Variants in ARHGEF38 observed in about 807,000 individuals in gnomAD.
The protein encoded by ARHGEF38 is Rho guanine nucleotide exchange factor (GEF) 38.
In ARHGEF38, 79 loss-of-function variants were observed where a neutral mutation model predicts 79.9. The observed-to-expected ratio is 0.99, with a 90% confidence interval of 0.82 to 1.19. The LOEUF is 1.19. Ranked by LOEUF, ARHGEF38 falls within the 50% of genes most tolerant of loss-of-function variation. ARHGEF38 has a pLI of 0.00. For missense variants in ARHGEF38, 962 were observed against 907.2 expected, an observed-to-expected ratio of 1.06 and a Z score of -0.78; for synonymous variants, 366 against 328.3, an observed-to-expected ratio of 1.11 and a Z score of -1.24.
At chr4:105,561,484 A>AGAATGGAATGGAATGGAATG (rs1560684665) in intron 1 of ARHGEF38, 2 of 59,920 alleles carry the variant, frequency 3.3e-5, no homozygotes, top group African/African-American at 1.2e-4. Flanking sequence ...AGAATAGAAT[A>AGAATGGAATGGAATGGAATG]GAATAGAATA....
At chr4:105,656,796 A>T (rs1445421238) in intron 9 of ARHGEF38, among the ~76,000 whole-genome samples, 1 of 152,098 alleles carries the variant, frequency 6.6e-6, no homozygotes, top group East Asian at 1.9e-4. Context: ...CCTCACATCA[A>T]GACGTTGTGA....
In ARHGEF38 at chr4:105,597,433, T is replaced by G. The variant is rs964059041; in HGVS notation, c.384+7998T>G. On this transcript the variant is annotated intron_variant, in intron 2 of 13. Coordinates refer to ENST00000420470, the MANE Select transcript of ARHGEF38 (RefSeq NM_001242729.2). ...TCCAGGAAGAATGGTCTTTCATTTT[T>G]GCTTAATAGGCAACCATGGAATTCT... Among the ~76,000 whole-genome samples the G allele has an allele frequency of 3.9e-5, 6 of 152,228 alleles. No individual in the cohort carries two copies. In the East Asian group the frequency reaches 1.2e-3, roughly 29 times the overall value.
chr4:105,624,161 C>T (rs890348109), intron 3 of ARHGEF38, among the ~76,000 whole-genome samples: 1 of 152,128 alleles, frequency 6.6e-6, no homozygotes, highest in Non-Finnish European at 1.5e-5. Flanking sequence ...CACCAGGGAC[C>T]TCAGAATTGT....
chr4:105,610,319 A>AT (rs1331730379), intron 2 of ARHGEF38, among the ~76,000 whole-genome samples: 2 of 151,974 alleles, frequency 1.3e-5, no homozygotes, highest in East Asian at 1.9e-4. Context: ...CATGTATCCC[A>AT]TTTTTTTCAG....
At position 105,592,432 on chromosome 4, in the gene ARHGEF38, T is replaced by G. The variant is rs78954340; in HGVS notation, c.384+2997T>G. Among the ~76,000 whole-genome samples, 740 of 152,154 alleles carry G rather than the reference T, an allele frequency of 4.9e-3. 27 individuals are homozygous for G. The East Asian group carries it at 0.11, about 23-fold the overall frequency. On this transcript the variant is annotated intron_variant, in intron 2 of 13. Coordinates refer to ENST00000420470, the MANE Select transcript of ARHGEF38 (RefSeq NM_001242729.2). Reference sequence around the variant, plus strand: ...ACAACCTTCTGATGGCACCGAGACCTCCAAACTATGGACATTACTACCATT... The same window carrying G: ...ACAACCTTCTGATGGCACCGAGACCGCCAAACTATGGACATTACTACCATT...
intron 10 of ARHGEF38, among the ~76,000 whole-genome samples, chr4:105,665,973 TA>T (rs200824653): frequency 8.6e-5 from 13 of 151,732 alleles, no homozygotes; most frequent in South Asian, 6.3e-4. Context: ...GCTTGAAACT[TA>T]AAAAAAAATT....
intron 10 of ARHGEF38, among the ~76,000 whole-genome samples, chr4:105,665,046 A>G (rs117498039): frequency 1.4e-3 from 217 of 152,044 alleles, no homozygotes; most frequent in East Asian, 6.6e-3. Flanking sequence ...CCCAGGCTGG[A>G]GTGTCATGGT....
intron 5 of ARHGEF38, 92 bp from the exon 6 acceptor site, chr4:105,645,096 T>C (rs1170856274): frequency 2.1e-6 from 2 of 950,718 alleles, no homozygotes; most frequent in African/African-American, 3.4e-5. Flanking sequence ...AAAGAGAAAA[T>C]GTTTTAGAAG....
intron 3 of ARHGEF38, among the ~76,000 whole-genome samples, chr4:105,618,547 G>A (rs942236331): frequency 2.6e-5 from 4 of 152,222 alleles, no homozygotes; most frequent in Non-Finnish European, 4.4e-5. Flanking sequence ...CTTGAACCCA[G>A]GAGGTAGAAG....
At chr4:105,621,402 C>T (rs1001803093) in intron 3 of ARHGEF38, among the ~76,000 whole-genome samples, 1 of 152,170 alleles carries the variant, frequency 6.6e-6, no homozygotes, top group Non-Finnish European at 1.5e-5. Flanking sequence ...ACTGGCTTAC[C>T]TCATGCATAG....
chr4:105,625,964 AGT>A (rs1488368407), intron 3 of ARHGEF38, among the ~76,000 whole-genome samples: 1 of 152,050 alleles, frequency 6.6e-6, no homozygotes, highest in African/African-American at 2.4e-5. Flanking sequence ...CCTCAATGTT[AGT>A]GTTTGCCACC....
intron 1 of ARHGEF38, among the ~76,000 whole-genome samples, chr4:105,588,377 A>G (rs1578283267): frequency 6.6e-6 from 1 of 152,272 alleles, no homozygotes; most frequent in East Asian, 1.9e-4. Flanking sequence ...AAGCAAATCC[A>G]TTTACACACA....
At chr4:105,625,793 A>G (rs757870788) in intron 3 of ARHGEF38, among the ~76,000 whole-genome samples, 7 of 152,164 alleles carry the variant, frequency 4.6e-5, no homozygotes, top group African/African-American at 7.2e-5. Context: ...GCAGATTATG[A>G]CCATGGGGAG....
intron 1 of ARHGEF38, among the ~76,000 whole-genome samples, chr4:105,578,180 C>G (rs1429824478): frequency 1.3e-5 from 2 of 152,148 alleles, no homozygotes; most frequent in Non-Finnish European, 2.9e-5. Context: ...TCATCAGTAA[C>G]CTCAAAATCA....
chr4:105,564,911 A>G (rs891693866), intron 1 of ARHGEF38, among the ~76,000 whole-genome samples: 6 of 152,174 alleles, frequency 3.9e-5, no homozygotes, highest in Non-Finnish European at 8.8e-5. Flanking sequence ...ACTTGGTTTT[A>G]TACATTTTAA....
At chr4:105,640,471 T>C (rs1446712660) in intron 5 of ARHGEF38, among the ~76,000 whole-genome samples, 2 of 152,148 alleles carry the variant, frequency 1.3e-5, no homozygotes, top group African/African-American at 4.8e-5. Context: ...GCATTATGTA[T>C]GCTATCAATT....
At position 105,657,318 on chromosome 4, in the gene ARHGEF38, A is replaced by G. The variant is rs542264817; in HGVS notation, c.1233+1596A>G. Among the ~76,000 whole-genome samples, 27 of 152,338 alleles carry G rather than the reference A, an allele frequency of 1.8e-4. No homozygotes were observed. The South Asian group carries it at 5.2e-3, about 29-fold the overall frequency. On this transcript the variant is annotated intron_variant, in intron 9 of 13. Transcript: ENST00000420470. ...GCCAGAAGTGTCCTGCATACCTTGC[A>G]TAAAACCACAAGATGATTAATTAGG...
rs1730223158 is a variant in ARHGEF38 at position 105,654,092 on chromosome 4, G to A, written c.1036G>A (p.Glu346Lys). 1 of 1,513,602 alleles carries A rather than the reference G, an allele frequency of 6.6e-7. No individual in the cohort carries two copies. The highest frequency in any genetic ancestry group is 2.0e-5 in the Admixed American group (1 of 50,482). The allele number at this position is 1,513,602 out of a possible 1,614,324, so 93.8% of individuals were successfully genotyped here. The stretch of plus-strand genomic sequence containing the variant: ...TAAAGACAATACCTTTAACAGAGAA[G>A]AAAAGCTGTTTAGAGCTTTAGAAAA... ...QVKDNTFNRE[E>K]KLFRALEKTV... Residue 346 changes from glutamate (E) to lysine (K), a missense_variant, in exon 8 of 14, where the codon GAA becomes AAA. Glu to Lys is a moderately conservative substitution (Grantham distance 56). Coordinates refer to ENST00000420470, the MANE Select transcript of ARHGEF38 (RefSeq NM_001242729.2).
intron 1 of ARHGEF38, among the ~76,000 whole-genome samples, chr4:105,574,699 T>C (rs1399838442): frequency 1.3e-5 from 2 of 152,174 alleles, no homozygotes; most frequent in African/African-American, 4.8e-5. Context: ...GCGGTTTCTT[T>C]CTATCCCTTG....
Sources: gnomAD v4.1 joint callset for allele counts (sites outside exome capture counted in the v4.1 genomes callset) on GRCh38, gnomAD v4.1.1 for gene constraint, MANE v1.5 for transcripts, NCBI Gene and HGNC (gene_info 2026-07-23, HGNC 2026-07-21) for gene names.